TRIM44: variants seen among roughly 807,000 people sequenced by gnomAD.
TRIM44 encodes tripartite motif-containing protein 44.
TRIM44 carries 13 observed loss-of-function variants against 37.4 expected under a neutral mutation model. The ratio of observed to expected loss-of-function variants is 0.35; its 90% CI spans 0.23 to 0.55. The LOEUF (loss-of-function observed/expected upper bound fraction) is 0.55. Ranked by LOEUF, TRIM44 falls within the 20% of genes least tolerant of loss-of-function variation. The pLI, the probability that TRIM44 is intolerant of heterozygous loss-of-function variation, is 0.89. For synonymous variants in TRIM44, 175 were observed against 157.2 expected (o/e 1.11, Z -0.85); for missense variants, 426 against 437.2 (o/e 0.97, Z 0.23).
At chr11:35,744,114 C>CA (rs1305611339) in intron 4 of TRIM44, among the ~76,000 whole-genome samples, 1 of 152,182 alleles carries the variant, frequency 6.6e-6, no homozygotes, top group African/African-American at 2.4e-5. Context: ...TAAATTATCT[C>CA]AGAGTACCTG....
In TRIM44 at chr11:35,789,275, G is replaced by A. The variant is rs139723273; in HGVS notation, c.1008-17083G>A. Among the ~76,000 whole-genome samples the A allele has an allele frequency of 7.6e-4, 116 of 152,230 alleles. 1 individual carries two copies. In the East Asian group the frequency reaches 0.016, roughly 21 times the overall value. On this transcript the variant is annotated intron_variant, in intron 4 of 4. Coordinates refer to ENST00000299413, the MANE Select transcript of TRIM44 (RefSeq NM_017583.6). ...AGAAGAGCCATCTGATATATTTATT[G>A]TTCTATATTAAACTTGAGTCTGATT...
intron 4 of TRIM44, among the ~76,000 whole-genome samples, chr11:35,797,123 TCAAAAA>T (rs1362728538): frequency 6.6e-6 from 1 of 151,772 alleles, no homozygotes; most frequent in Non-Finnish European, 1.5e-5. Context: ...AGGGAAGTGC[TCAAAAA>T]CAAAAACAAA....
chr11:35,793,502 G>T (rs1853243988), intron 4 of TRIM44, among the ~76,000 whole-genome samples: 1 of 152,136 alleles, frequency 6.6e-6, no homozygotes, highest in Non-Finnish European at 1.5e-5. Context: ...TCCAGCCTGT[G>T]CGACAGAGTG....
intron 4 of TRIM44, among the ~76,000 whole-genome samples, chr11:35,761,399 C>CTT (rs1344574690): frequency 2.0e-5 from 1 of 50,160 alleles, no homozygotes; most frequent in Non-Finnish European, 3.9e-5. Context: ...CTCTCTCTCT[C>CTT]TCTCTCTATA....
At chr11:35,758,662 G>T (rs1852681494) in intron 4 of TRIM44, among the ~76,000 whole-genome samples, 1 of 151,872 alleles carries the variant, frequency 6.6e-6, no homozygotes, top group Admixed American at 6.5e-5. Context: ...CATGTTTAGT[G>T]CTTCCTTCAG....
intron 1 of TRIM44, among the ~76,000 whole-genome samples, chr11:35,672,777 G>A (rs751821369): frequency 6.6e-6 from 1 of 152,130 alleles, no homozygotes; most frequent in East Asian, 1.9e-4. Flanking sequence ...AAGGTTGAAG[G>A]CTTGCTGTAA....
rs1300182329 is a variant in TRIM44, at chr11:35,811,925, G to C, written c.*5540G>C. The stretch of plus-strand genomic sequence containing the variant: ...TAAAGCCCAGGACAGCAGACTCTCT[G>C]TCTCCGAGAGCAATCATTAGGCCCT... On this transcript the variant is annotated 3_prime_UTR_variant, in exon 5 of 5. Coordinates refer to ENST00000299413, the MANE Select transcript of TRIM44 (RefSeq NM_017583.6). 1 of 152,226 alleles carries C rather than the reference G, an allele frequency of 6.6e-6. No individual in the cohort carries two copies. Among genetic ancestry groups the C allele is most frequent in the African/African-American group, 2.4e-5 (1 of 41,448 alleles). 9.4% of individuals were successfully genotyped at this position (152,226 alleles called of 1,614,324 possible). A position where few individuals can be genotyped will look rare whatever the true frequency, so the allele number is the denominator to read the frequency against.
At chr11:35,675,763 ACC>A (rs1851453638) in intron 1 of TRIM44, among the ~76,000 whole-genome samples, 1 of 151,858 alleles carries the variant, frequency 6.6e-6, no homozygotes, top group African/African-American at 2.4e-5. Flanking sequence ...TTCGTGATCT[ACC>A]CACCTCGGCC....
Position 35,809,730 on chromosome 11 carries a change from G to A in TRIM44, c.*3345G>A, listed in dbSNP as rs980313727. On this transcript the variant is annotated 3_prime_UTR_variant, in exon 5 of 5. Coordinates refer to ENST00000299413, the MANE Select transcript of TRIM44 (RefSeq NM_017583.6). ...CATATTTTAGTAAACTTAGCCGCCAGTGTACTCTGTGAGGATGTGGCAATT... is the reference window on the plus strand; with the variant it reads ...CATATTTTAGTAAACTTAGCCGCCAATGTACTCTGTGAGGATGTGGCAATT... The A allele has an allele frequency of 2.6e-5, 4 of 152,144 alleles. No homozygotes were observed. The highest frequency in any genetic ancestry group is 5.9e-5 in the Non-Finnish European group (4 of 68,024). 9.4% of individuals were successfully genotyped at this position (152,144 alleles called of 1,614,324 possible). A position where few individuals can be genotyped will look rare whatever the true frequency, so the allele number is the denominator to read the frequency against.
chr11:35,758,907 A>G (rs895197391), intron 4 of TRIM44, among the ~76,000 whole-genome samples: 9 of 152,140 alleles, frequency 5.9e-5, no homozygotes, highest in African/African-American at 1.9e-4. Flanking sequence ...GGGTAACCCA[A>G]CCTTTCTCTC....
chr11:35,707,236 A>G (rs1302839867), intron 2 of TRIM44, among the ~76,000 whole-genome samples: 5 of 152,236 alleles, frequency 3.3e-5, no homozygotes, highest in African/African-American at 1.2e-4. Context: ...AAGGAGAACT[A>G]CAAACCACTG....
At chr11:35,769,313 G>A (rs987296979) in intron 4 of TRIM44, among the ~76,000 whole-genome samples, 1 of 152,036 alleles carries the variant, frequency 6.6e-6, no homozygotes, top group African/African-American at 2.4e-5. Flanking sequence ...TTCTTATGTT[G>A]TTATTTTATG....
intron 4 of TRIM44, among the ~76,000 whole-genome samples, chr11:35,747,315 C>G (rs1276042580): frequency 6.6e-6 from 1 of 152,192 alleles, no homozygotes; most frequent in Admixed American, 6.5e-5. Context: ...TAAAACAACT[C>G]TGTGAGGACA....
chr11:35,743,847 C>G (rs1299683027), intron 4 of TRIM44, among the ~76,000 whole-genome samples: 1 of 152,172 alleles, frequency 6.6e-6, no homozygotes, highest in Non-Finnish European at 1.5e-5. Flanking sequence ...TTGGCGTGAA[C>G]TAGAAAAAGG....
chr11:35,671,088 G>C (rs556699674), intron 1 of TRIM44, among the ~76,000 whole-genome samples: 3 of 152,344 alleles, frequency 2.0e-5, no homozygotes, highest in Admixed American at 6.5e-5. Flanking sequence ...AGCAAGTATT[G>C]AGAATCAACT....
At chr11:35,795,488 C>G (rs1314530438) in intron 4 of TRIM44, among the ~76,000 whole-genome samples, 1 of 151,902 alleles carries the variant, frequency 6.6e-6, no homozygotes. Context: ...CTATTGGACT[C>G]AGTGGGATAG....
intron 1 of TRIM44, among the ~76,000 whole-genome samples, chr11:35,681,990 G>T (rs1451280467): frequency 8.4e-6 from 1 of 119,228 alleles, no homozygotes; most frequent in Non-Finnish European, 1.6e-5. Context: ...ATGCAGTCTC[G>T]CTCTGTCACC....
intron 2 of TRIM44, among the ~76,000 whole-genome samples, chr11:35,699,965 G>A (rs1851762431): frequency 6.6e-6 from 1 of 152,088 alleles, no homozygotes; most frequent in South Asian, 2.1e-4. Flanking sequence ...CAAAGAAATG[G>A]AAGAACATTC....
chr11:35,698,997 A>G lies in TRIM44; in HGVS notation c.747+13661A>G, dbSNP rs1851742883. On this transcript the variant is annotated intron_variant, in intron 2 of 4. Transcript: ENST00000299413. ...GGAAGGGATCCAGTTTCAGCTTTCT[A>G]CATATGGCTAGCCAGTTTTCCCAGC... Among the ~76,000 whole-genome samples the G allele has an allele frequency of 2.7e-5, 4 of 145,704 alleles. No homozygotes were observed. In the Admixed American group the frequency reaches 2.8e-4, roughly 10 times the overall value.
Sources: gnomAD v4.1 joint callset for allele counts (sites outside exome capture counted in the v4.1 genomes callset) on GRCh38, gnomAD v4.1.1 for gene constraint, MANE v1.5 for transcripts, NCBI Gene and HGNC (gene_info 2026-07-23, HGNC 2026-07-21) for gene names.